XPO4: variants seen among roughly 807,000 people sequenced by gnomAD.
XPO4 encodes the protein exportin 4.
A neutral mutation model predicts 143.0 loss-of-function variants in XPO4; 39 were observed. The ratio of observed to expected loss-of-function variants is 0.27; its 90% CI spans 0.21 to 0.36. The LOEUF is 0.36. Among genes scored for constraint, XPO4 ranks in the 10% least tolerant of loss-of-function variants. XPO4 has a pLI of 1.00. For missense variants in XPO4, 907 were observed against 1,348.0 expected, an observed-to-expected ratio of 0.67 and a Z score of 5.12; for synonymous variants, 439 against 474.0, an observed-to-expected ratio of 0.93 and a Z score of 0.96.
chr13:20,795,178 G>T (rs542260966), intron 18 of XPO4, among the ~76,000 whole-genome samples: 7 of 152,234 alleles, frequency 4.6e-5, no homozygotes, highest in African/African-American at 1.4e-4. Context: ...ACACGTGTCT[G>T]CACAACATAT....
intron 1 of XPO4, among the ~76,000 whole-genome samples, chr13:20,899,050 T>C (rs1012956948): frequency 1.3e-5 from 2 of 152,108 alleles, no homozygotes; most frequent in Non-Finnish European, 2.9e-5. Context: ...CAGTGAGCCA[T>C]GATCATGCCA....
chr13:20,809,771 C>T lies in XPO4; in HGVS notation c.1350+20G>A, dbSNP rs1337056844. ...CTATGATGAAATAGACTGTTAATTACCATCTTGCTTAAAACTCACCAAATT... is the reference window on the plus strand; with the variant it reads ...CTATGATGAAATAGACTGTTAATTATCATCTTGCTTAAAACTCACCAAATT... On this transcript the variant is annotated intron_variant, in intron 10 of 22. Transcript: ENST00000255305. 1 of 1,583,560 alleles carries T rather than the reference C, an allele frequency of 6.3e-7. No homozygotes were observed. Among genetic ancestry groups the T allele is most frequent in the Non-Finnish European group, 8.6e-7 (1 of 1,165,654 alleles).
rs975294987 is a variant in XPO4 at position 20,856,844 on chromosome 13, G to T, written c.318-1079C>A. The T allele has an allele frequency of 3.2e-5, 32 of 985,134 alleles. 1 individual carries two copies. In the African/African-American group the frequency reaches 5.6e-4, roughly 17 times the overall value. The allele number at this position is 985,134 out of a possible 1,614,324, so 61.0% of individuals were successfully genotyped here. On this transcript the variant is annotated intron_variant, in intron 3 of 22. Transcript: ENST00000255305. ...CTTCTATTCCCTCTCCCAAGATTAT[G>T]ACGTCACTTTCTCCAGAAAGTTATT...
At chr13:20,786,129 G>A (rs2059202354) in intron 22 of XPO4, among the ~76,000 whole-genome samples, 1 of 152,082 alleles carries the variant, frequency 6.6e-6, no homozygotes, top group Admixed American at 6.5e-5. Context: ...AGGGCAGAGA[G>A]CAAGAAATGA....
intron 13 of XPO4, among the ~76,000 whole-genome samples, chr13:20,801,260 C>T (rs143964242): frequency 0.018 from 2,715 of 152,320 alleles, 37 homozygotes; most frequent in Non-Finnish European, 0.03. Context: ...ATCAGCATTA[C>T]TAGCTAAAGA....
chr13:20,826,416 G>A (rs7332540), intron 7 of XPO4, among the ~76,000 whole-genome samples: 3,130 of 152,254 alleles, frequency 0.021, 84 homozygotes, highest in Middle Eastern at 0.075. Flanking sequence ...AGCCTGTCAG[G>A]TTGCCTGTGA....
At chr13:20,894,351 T>C (rs1167724548) in intron 1 of XPO4, among the ~76,000 whole-genome samples, 2 of 152,216 alleles carry the variant, frequency 1.3e-5, no homozygotes, top group South Asian at 2.1e-4. Context: ...TTTTTCCTTT[T>C]ATTTATTCAC....
intron 9 of XPO4, among the ~76,000 whole-genome samples, chr13:20,813,890 A>C (rs2059615114): frequency 1.3e-5 from 2 of 151,918 alleles, no homozygotes; most frequent in Non-Finnish European, 1.5e-5. Flanking sequence ...CCCGGGAGGC[A>C]GAAGTTGCTG....
intron 2 of XPO4, among the ~76,000 whole-genome samples, chr13:20,865,176 T>C (rs1468958047): frequency 1.3e-5 from 2 of 151,890 alleles, no homozygotes; most frequent in East Asian, 1.9e-4. Context: ...TTTGCTCTTG[T>C]TACTGAGACT....
intron 1 of XPO4, among the ~76,000 whole-genome samples, chr13:20,886,180 C>T (rs1024666577): frequency 1.3e-5 from 2 of 152,034 alleles, no homozygotes; most frequent in African/African-American, 4.8e-5. Context: ...AAGGCATATC[C>T]AAACAAATTT....
chr13:20,779,980 C>G lies in XPO4; in HGVS notation c.*3742G>C, dbSNP rs186281815. ...ATGCAGTGTTTTCAGAACATAGTTA[C>G]CAAGTCAGAGAATAACCACTTATAT... On this transcript the variant is annotated 3_prime_UTR_variant, in exon 23 of 23. Transcript: ENST00000255305. 1 of 152,258 alleles carries G rather than the reference C, an allele frequency of 6.6e-6. No individual in the cohort carries two copies. Among genetic ancestry groups the G allele is most frequent in the East Asian group, 1.9e-4 (1 of 5,192 alleles). The allele number at this position is 152,258 out of a possible 1,614,324, so 9.4% of individuals were successfully genotyped here. A position where few individuals can be genotyped will look rare whatever the true frequency, so the allele number is the denominator to read the frequency against.
chr13:20,788,379 T>C, intron 20 of XPO4, 107 bp downstream of exon 20: 3 of 1,453,830 alleles, frequency 2.1e-6, no homozygotes, highest in Non-Finnish European at 2.8e-6. Flanking sequence ...AGAAATAAAA[T>C]TGAACCATAA....
intron 10 of XPO4, 85 bp from the exon 11 acceptor site, chr13:20,809,310 T>C: frequency 2.0e-6 from 3 of 1,507,816 alleles, no homozygotes; most frequent in South Asian, 1.3e-5. Flanking sequence ...ATAGCTTAGA[T>C]AGCTAAGCAC....
intron 19 of XPO4, among the ~76,000 whole-genome samples, chr13:20,789,003 A>G (rs1459466911): frequency 1.3e-5 from 2 of 152,236 alleles, no homozygotes; most frequent in South Asian, 2.1e-4. Context: ...AAAATTCAAG[A>G]AGGTTAATAC....
At position 20,835,980 on chromosome 13, in the gene XPO4, T is replaced by C. The variant is rs61954187; in HGVS notation, c.727+6915A>G. On this transcript the variant is annotated intron_variant, in intron 6 of 22. Coordinates refer to ENST00000255305, the MANE Select transcript of XPO4 (RefSeq NM_022459.5). ...TGTCTTAACAACATTTTCTTTTCTC[T>C]AACTTACTTTAAGAATATATTATAG... Among the ~76,000 whole-genome samples the C allele has an allele frequency of 2.0e-3, 306 of 152,348 alleles. 1 individual carries two copies. Among genetic ancestry groups the C allele is most frequent in the South Asian group, 7.5e-3 (36 of 4,828 alleles).
At chr13:20,800,430 G>A (rs1366515597) in intron 14 of XPO4, 105 bp from the exon 15 acceptor site, 2 of 1,054,606 alleles carry the variant, frequency 1.9e-6, no homozygotes, top group East Asian at 5.1e-5. Context: ...CTGAAGTAGT[G>A]CTTACTTCAC....
chr13:20,861,804 T>G (rs1595140678), intron 3 of XPO4, among the ~76,000 whole-genome samples: 1 of 91,950 alleles, frequency 1.1e-5, no homozygotes. Flanking sequence ...TTTTTTTTTT[T>G]GAGAAGGAGT....
At chr13:20,817,331 C>T (rs748953335) in intron 9 of XPO4, among the ~76,000 whole-genome samples, 5 of 152,198 alleles carry the variant, frequency 3.3e-5, no homozygotes, top group Non-Finnish European at 7.3e-5. Context: ...ATCAAGAATG[C>T]TGACCTCTAA....
chr13:20,846,765 GCA>G (rs2060033315), intron 4 of XPO4, among the ~76,000 whole-genome samples: 1 of 151,928 alleles, frequency 6.6e-6, no homozygotes, highest in African/African-American at 2.4e-5. Flanking sequence ...ATTTTTTGAT[GCA>G]CAGATATAAA....
Sources: allele counts gnomAD v4.1 joint callset (sites outside exome capture counted in the v4.1 genomes callset), GRCh38; gene constraint gnomAD v4.1.1; transcripts MANE v1.5; gene names NCBI Gene and HGNC (gene_info 2026-07-23, HGNC 2026-07-21).